Variants in SASH1 observed in about 807,000 individuals in gnomAD.
The protein encoded by SASH1 is SAM and SH3 domain-containing protein 1.
Under a neutral mutation model 125.2 loss-of-function variants are expected in SASH1, and 44 were observed. The ratio of observed to expected loss-of-function variants is 0.35; its 90% CI spans 0.28 to 0.45. SASH1 has a LOEUF of 0.45. Ranked by LOEUF, SASH1 falls within the 20% of genes least tolerant of loss-of-function variation. The pLI, the probability that SASH1 is intolerant of heterozygous loss-of-function variation, is 1.00. For missense variants in SASH1, 1,426 were observed against 1,614.5 expected (o/e 0.88, Z 2.00); for synonymous variants, 639 against 649.1 (o/e 0.98, Z 0.24).
chr6:148,374,709 G>T (rs908441449), intron 1 of SASH1, among the ~76,000 whole-genome samples: 9 of 151,536 alleles, frequency 5.9e-5, no homozygotes, highest in Admixed American at 1.3e-4. Flanking sequence ...TTTTTTGGGG[G>T]GGGGGGAGAT....
intron 1 of SASH1, among the ~76,000 whole-genome samples, chr6:148,359,199 T>C (rs1562348966): frequency 6.6e-6 from 1 of 151,922 alleles, no homozygotes; most frequent in Non-Finnish European, 1.5e-5. Context: ...CACTCTATTG[T>C]CCAAGCTGAA....
intron 16 of SASH1, among the ~76,000 whole-genome samples, chr6:148,537,276 C>T (rs1781904073): frequency 6.6e-6 from 1 of 152,134 alleles, no homozygotes; most frequent in East Asian, 1.9e-4. Context: ...CAGCCTCCCT[C>T]GAAGCGTGGG....
intron 8 of SASH1, among the ~76,000 whole-genome samples, chr6:148,506,021 G>A (rs1057253021): frequency 5.9e-5 from 9 of 151,312 alleles, no homozygotes; most frequent in Non-Finnish European, 8.8e-5. Context: ...TGCCCACCTC[G>A]GCCTCCCAAA....
chr6:148,467,934 C>CAA (rs201097084), intron 4 of SASH1, among the ~76,000 whole-genome samples: 8 of 149,606 alleles, frequency 5.3e-5, no homozygotes, highest in Admixed American at 1.3e-4. Flanking sequence ...AAGACTGTCT[C>CAA]AAAAAAAAAA....
intron 1 of SASH1, among the ~76,000 whole-genome samples, chr6:148,301,705 A>G (rs1288854669): frequency 6.7e-6 from 1 of 149,508 alleles, no homozygotes; most frequent in African/African-American, 2.5e-5. Flanking sequence ...CCGTCCCCCA[A>G]GTAGCTGGGA....
At chr6:148,419,823 TG>T (rs2114937031) in intron 2 of SASH1, among the ~76,000 whole-genome samples, 1 of 152,316 alleles carries the variant, frequency 6.6e-6, no homozygotes, top group East Asian at 1.9e-4. Context: ...TAACCTTATA[TG>T]AAATAACTGT....
intron 4 of SASH1, among the ~76,000 whole-genome samples, chr6:148,444,995 G>A (rs1246796254): frequency 1.3e-5 from 2 of 152,166 alleles, no homozygotes; most frequent in Admixed American, 6.5e-5. Flanking sequence ...GACCACATAG[G>A]GTAACTTCCA....
intron 1 of SASH1, among the ~76,000 whole-genome samples, chr6:148,279,816 G>A (rs534366423): frequency 1.6e-4 from 25 of 151,956 alleles, no homozygotes; most frequent in African/African-American, 3.1e-4. Context: ...ATGAAACCCC[G>A]TCTCTACTAA....
intron 2 of SASH1, among the ~76,000 whole-genome samples, chr6:148,437,751 A>G (rs1364047196): frequency 6.6e-6 from 1 of 152,266 alleles, no homozygotes; most frequent in African/African-American, 2.4e-5. Flanking sequence ...AATAGCTAAA[A>G]GAATCAAATG....
chr6:148,335,064 G>A (rs72563849), intron 1 of SASH1, among the ~76,000 whole-genome samples: 12,304 of 151,634 alleles, frequency 0.081, 754 homozygotes, highest in East Asian at 0.32. Flanking sequence ...ATGGGAGGCC[G>A]AGGCAGGTGG....
chr6:148,521,665 T>C (rs1411092142), intron 10 of SASH1, among the ~76,000 whole-genome samples: 1 of 152,256 alleles, frequency 6.6e-6, no homozygotes, highest in Non-Finnish European at 1.5e-5. Context: ...TGGTTGAGTT[T>C]TTGTTTTAAA....
At chr6:148,465,734 A>AT (rs199716785) in intron 4 of SASH1, among the ~76,000 whole-genome samples, 5 of 152,108 alleles carry the variant, frequency 3.3e-5, no homozygotes, top group African/African-American at 7.2e-5. Flanking sequence ...GCACAGTAAG[A>AT]TTTTTTAAAA....
intron 2 of SASH1, among the ~76,000 whole-genome samples, chr6:148,406,810 G>A (rs1784395330): frequency 6.6e-6 from 1 of 150,526 alleles, no homozygotes; most frequent in Admixed American, 6.6e-5. Context: ...GGCTCTCCAA[G>A]GGAGGAACAG....
intron 8 of SASH1, among the ~76,000 whole-genome samples, chr6:148,504,730 G>A (rs927290702): frequency 2.2e-5 from 3 of 136,490 alleles, no homozygotes; most frequent in African/African-American, 8.9e-5. Flanking sequence ...AGGAATGCAA[G>A]GAGCAGGAGA....
chr6:148,413,010 G>C (rs1000106350), intron 2 of SASH1, among the ~76,000 whole-genome samples: 1 of 152,148 alleles, frequency 6.6e-6, no homozygotes, highest in African/African-American at 2.4e-5. Context: ...TTGATTTCTT[G>C]TTGAATGCAC....
chr6:148,524,278 C>A (rs967396072), intron 10 of SASH1: 1 of 150,808 alleles, frequency 6.6e-6, no homozygotes. Flanking sequence ...AATAGCTGTT[C>A]ATTAGACTTC....
chr6:148,287,702 T>TTG lies in SASH1; in HGVS notation n.74+15325_74+15326insTG, dbSNP rs1779521035. 2.9e-5 allele frequency among the ~76,000 whole-genome samples: 4 copies of TTG among 139,426 alleles called. No homozygotes were observed. The Admixed American group carries it at 2.9e-4, about 10-fold the overall frequency. The allele number at this position is 139,426 out of a possible 152,430, so 91.5% of individuals were successfully genotyped here. On this transcript the variant is annotated intron_variant and non_coding_transcript_variant, in intron 1 of 3. Coordinates refer to the SASH1 transcript ENST00000367469. The stretch of plus-strand genomic sequence containing the variant: ...CAGTGCGTGCGTGTGTGTGGGGGGG[T>TTG]GGGGGGTGGTATTCCTCTGTTGTTT...
chr6:148,307,052 CTTTCTT>C (rs1780153264), intron 1 of SASH1, among the ~76,000 whole-genome samples: 3 of 140,960 alleles, frequency 2.1e-5, no homozygotes, highest in African/African-American at 8.3e-5. Context: ...TTCTTTCTTT[CTTTCTT>C]TCTTTCTTTC....
chr6:148,415,380 A>C (rs756056760), intron 2 of SASH1, among the ~76,000 whole-genome samples: 16 of 152,196 alleles, frequency 1.1e-4, no homozygotes, highest in Non-Finnish European at 1.8e-4. Flanking sequence ...TTTGCTTGAC[A>C]CAACCTGTTC....
Sources: allele counts gnomAD v4.1 joint callset (sites outside exome capture counted in the v4.1 genomes callset), GRCh38; gene constraint gnomAD v4.1.1; transcripts MANE v1.5; gene names NCBI Gene and HGNC (gene_info 2026-07-23, HGNC 2026-07-21).